DROSHA: variants seen among roughly 807,000 people sequenced by gnomAD.
The protein encoded by DROSHA is ribonuclease 3.
In DROSHA, 56 loss-of-function variants were observed where a neutral mutation model predicts 181.9. That is an observed-to-expected ratio of 0.31 (90% CI 0.25 to 0.38). The LOEUF (loss-of-function observed/expected upper bound fraction) is 0.38. DROSHA is among the 10% of genes least tolerant of loss of function. The pLI, the probability that DROSHA is intolerant of heterozygous loss-of-function variation, is 1.00. For missense variants in DROSHA, 1,218 were observed against 1,743.5 expected (o/e 0.70, Z 5.37); for synonymous variants, 524 against 591.2 (o/e 0.89, Z 1.65).
intron 24 of DROSHA, among the ~76,000 whole-genome samples, chr5:31,436,353 T>A (rs1030164214): frequency 1.3e-5 from 2 of 151,072 alleles, no homozygotes; most frequent in African/African-American, 4.9e-5. Flanking sequence ...AGAGAAATTG[T>A]GTCAGTATAG....
At chr5:31,481,813 G>T (rs527746876) in intron 16 of DROSHA, among the ~76,000 whole-genome samples, 1 of 152,336 alleles carries the variant, frequency 6.6e-6, no homozygotes, top group South Asian at 2.1e-4. Flanking sequence ...GAGTCAAAGA[G>T]ACAGGAGGAA....
chr5:31,474,736 G>C (rs1308068702), intron 16 of DROSHA, among the ~76,000 whole-genome samples: 1 of 152,082 alleles, frequency 6.6e-6, no homozygotes, highest in Non-Finnish European at 1.5e-5. Flanking sequence ...GGTCATGAAG[G>C]TAGAGCCCTC....
chr5:31,525,414 G>A (rs10472776), intron 5 of DROSHA, among the ~76,000 whole-genome samples: 1,646 of 137,500 alleles, frequency 0.012, 27 homozygotes, highest in African/African-American at 0.041. Flanking sequence ...TGAGGTGAGA[G>A]AATTGCTTGA....
chr5:31,453,998 A>G (rs1747344117), intron 20 of DROSHA, among the ~76,000 whole-genome samples: 1 of 152,082 alleles, frequency 6.6e-6, no homozygotes, highest in South Asian at 2.1e-4. Context: ...TGAAAGACCA[A>G]TGAATATTAT....
chr5:31,486,469 C>T, intron 14 of DROSHA, 22 bp downstream of exon 14: 4 of 1,607,324 alleles, frequency 2.5e-6, no homozygotes, highest in South Asian at 2.2e-5. Flanking sequence ...TACATCAAAC[C>T]ACACACAATC....
At chr5:31,481,485 T>C (rs1308053511) in intron 16 of DROSHA, among the ~76,000 whole-genome samples, 2 of 152,186 alleles carry the variant, frequency 1.3e-5, no homozygotes, top group Non-Finnish European at 2.9e-5. Flanking sequence ...AGGAAAAGGC[T>C]TTTCAGCAAA....
chr5:31,446,446 C>CAAAAAA lies in DROSHA; in HGVS notation c.2882+2095_2882+2100dup, dbSNP rs60001713. On this transcript the variant is annotated intron_variant, in intron 23 of 35. Coordinates refer to ENST00000344624, the MANE Select transcript of DROSHA (RefSeq NM_001382508.1). ...TGGGCGACAGAGCGAGACTCTGTCT[C>CAAAAAA]AAAAAAAAAAAAAAAAAAAAGATTC... 4.7e-4 allele frequency among the ~76,000 whole-genome samples: 28 copies of CAAAAAA among 59,346 alleles called. 3 individuals are homozygous for CAAAAAA. Among genetic ancestry groups the CAAAAAA allele is most frequent in the African/African-American group, 9.3e-4 (17 of 18,272 alleles). 38.9% of individuals were successfully genotyped at this position (59,346 alleles called of 152,430 possible). A position where few individuals can be genotyped will look rare whatever the true frequency, so the allele number is the denominator to read the frequency against.
At chr5:31,455,933 T>C (rs1341925165) in intron 20 of DROSHA, among the ~76,000 whole-genome samples, 1 of 152,202 alleles carries the variant, frequency 6.6e-6, no homozygotes, top group East Asian at 1.9e-4. Context: ...TGAGTACCTG[T>C]ACCTGACCAT....
intron 26 of DROSHA, among the ~76,000 whole-genome samples, chr5:31,431,366 C>CAAAAAAAAAA (rs58316191): frequency 8.7e-5 from 5 of 57,648 alleles, no homozygotes; most frequent in African/African-American, 2.7e-4. Context: ...CAGTAGAATG[C>CAAAAAAAAAA]AAAAAAAAAA....
intron 27 of DROSHA, among the ~76,000 whole-genome samples, chr5:31,424,749 T>A (rs750749893): frequency 3.0e-4 from 45 of 152,200 alleles, no homozygotes; most frequent in Admixed American, 4.6e-4. Flanking sequence ...CATATTTGGT[T>A]AACTTAATAC....
Position 31,437,281 on chromosome 5 carries a change from C to T in DROSHA, c.2900G>A (p.Arg967Gln), listed in dbSNP as rs1303485152. Residue 967 changes from arginine (R) to glutamine (Q), a missense_variant, in exon 24 of 36, where the codon CGG becomes CAG. Physicochemically the swap from Arg to Gln is conservative, Grantham distance 43. This residue lies in a region of DROSHA where 460 missense variants were observed against 774.2 expected (regional missense o/e 0.59). Coordinates refer to ENST00000344624, the MANE Select transcript of DROSHA (RefSeq NM_001382508.1). The stretch of plus-strand genomic sequence containing the variant: ...AACAGCATCACCCAGGAATTCCAAC[C>T]GTTCATTGTGGTTAATCCTACAATA... The part of the protein sequence containing the change: ...PTPSRINHNE[R>Q]LEFLGDAVVE... 2 of 1,580,226 alleles carry T rather than the reference C, an allele frequency of 1.3e-6. No homozygotes were observed. Among genetic ancestry groups the T allele is most frequent in the Non-Finnish European group, 1.7e-6 (2 of 1,162,118 alleles).
At chr5:31,451,940 GAAT>G (rs1747087400) in intron 20 of DROSHA, among the ~76,000 whole-genome samples, 1 of 152,254 alleles carries the variant, frequency 6.6e-6, no homozygotes, top group East Asian at 1.9e-4. Context: ...CGCACAATGA[GAAT>G]AATAAATATA....
At chr5:31,525,499 G>A (rs1224867469) in intron 5 of DROSHA, among the ~76,000 whole-genome samples, 3 of 94,022 alleles carry the variant, frequency 3.2e-5, no homozygotes, top group African/African-American at 9.1e-5. Flanking sequence ...GCGAGATTCT[G>A]TCACAAAAAA....
intron 30 of DROSHA, among the ~76,000 whole-genome samples, chr5:31,416,703 G>A (rs976424804): frequency 6.6e-6 from 1 of 152,212 alleles, no homozygotes; most frequent in South Asian, 2.1e-4. Context: ...CTGGCAGGAG[G>A]AGGCCTGGAG....
chr5:31,424,475 G>GA lies in DROSHA; in HGVS notation c.3217-5dup. 6.3e-7 allele frequency: 1 copy of GA among 1,590,300 alleles called. No individual in the cohort carries two copies. The highest frequency in any genetic ancestry group is 8.6e-7 in the Non-Finnish European group (1 of 1,168,118). On this transcript the variant is annotated splice_polypyrimidine_tract_variant and splice_region_variant and intron_variant, in intron 27 of 35. Transcript: ENST00000344624. ...TGAGCCAGACTTCGCGCAGGTCCTG[G>GA]AAAATGGAGTGATGCCTTTAATGCT...
intron 27 of DROSHA, among the ~76,000 whole-genome samples, chr5:31,425,636 C>T (rs1250107232): frequency 6.6e-6 from 1 of 152,148 alleles, no homozygotes; most frequent in Non-Finnish European, 1.5e-5. Context: ...ACTTCTGCTG[C>T]AGCACTGACC....
At chr5:31,502,950 T>G (rs1443976232) in intron 11 of DROSHA, among the ~76,000 whole-genome samples, 2 of 152,114 alleles carry the variant, frequency 1.3e-5, no homozygotes, top group Non-Finnish European at 2.9e-5. Context: ...CAAGTGACCA[T>G]GCTTGCTGGT....
At chr5:31,476,226 A>G (rs1750357127) in intron 16 of DROSHA, among the ~76,000 whole-genome samples, 1 of 152,138 alleles carries the variant, frequency 6.6e-6, no homozygotes, top group Non-Finnish European at 1.5e-5. Context: ...TCAGCCAGTC[A>G]TGGTGGCAGA....
chr5:31,411,031 G>T lies in DROSHA; in HGVS notation c.3526-144C>A. The T allele has an allele frequency of 7.0e-6, 8 of 1,141,362 alleles. No individual in the cohort carries two copies. The highest frequency in any genetic ancestry group is 2.8e-4 in the Middle Eastern group (1 of 3,574). The allele number at this position is 1,141,362 out of a possible 1,614,324, so 70.7% of individuals were successfully genotyped here. A position where few individuals can be genotyped will look rare whatever the true frequency, so the allele number is the denominator to read the frequency against. On this transcript the variant is annotated intron_variant, in intron 30 of 35. Coordinates refer to ENST00000344624, the MANE Select transcript of DROSHA (RefSeq NM_001382508.1). This position sits in a 1 kb window ranked among gnomAD's most constrained non-coding sequence, Gnocchi z 4.2. ...GGTCTATGGCCTCAACCATCACCCA[G>T]ATGACAGTGATATGCTCCATGCCCA...
Sources: gnomAD v4.1 joint callset for allele counts (sites outside exome capture counted in the v4.1 genomes callset) on GRCh38, gnomAD v4.1.1 for gene constraint, gnomAD v4.1.1 regional missense constraint, Gnocchi (gnomAD v3.1) non-coding constraint, MANE v1.5 for transcripts, NCBI Gene and HGNC (gene_info 2026-07-23, HGNC 2026-07-21) for gene names.